Variants in RIMS2 observed in about 807,000 individuals in gnomAD.
RIMS2 encodes regulating synaptic membrane exocytosis protein 2.
RIMS2 carries 59 observed loss-of-function variants against 174.4 expected under a neutral mutation model. The ratio of observed to expected loss-of-function variants is 0.34; its 90% CI spans 0.27 to 0.42. RIMS2 has a LOEUF of 0.42. Ranked by LOEUF, RIMS2 falls within the 10% of genes least tolerant of loss-of-function variation. RIMS2 has a pLI of 1.00. For synonymous variants in RIMS2, 606 were observed against 572.5 expected, an observed-to-expected ratio of 1.06 and a Z score of -0.84; for missense variants, 1,620 against 1,666.3, an observed-to-expected ratio of 0.97 and a Z score of 0.48.
intron 3 of RIMS2, among the ~76,000 whole-genome samples, chr8:103,784,276 G>T (rs2098419904): frequency 6.7e-6 from 1 of 149,524 alleles, no homozygotes; most frequent in South Asian, 2.1e-4. Flanking sequence ...AGTTTAATTA[G>T]ATCCCATTTG....
chr8:103,929,604 A>G (rs1383861650), intron 11 of RIMS2, among the ~76,000 whole-genome samples: 1 of 151,856 alleles, frequency 6.6e-6, no homozygotes, highest in Non-Finnish European at 1.5e-5. Flanking sequence ...AAACTCTTTA[A>G]AACTGGTGAA....
At chr8:103,700,643 G>T (rs1433779986) in intron 2 of RIMS2, among the ~76,000 whole-genome samples, 1 of 150,650 alleles carries the variant, frequency 6.6e-6, no homozygotes, top group Non-Finnish European at 1.5e-5. Flanking sequence ...TATTGATATG[G>T]TTTCATTTGA....
At chr8:103,807,364 A>G (rs1374571638) in intron 3 of RIMS2, among the ~76,000 whole-genome samples, 1 of 152,168 alleles carries the variant, frequency 6.6e-6, no homozygotes, top group Non-Finnish European at 1.5e-5. Flanking sequence ...GTTTAGTTTG[A>G]TAACATGCAA....
intron 1 of RIMS2, among the ~76,000 whole-genome samples, chr8:103,528,545 G>A (rs1835252103): frequency 6.6e-6 from 1 of 152,090 alleles, no homozygotes; most frequent in African/African-American, 2.4e-5. Context: ...TAAGTCTTTA[G>A]TCCATCTTGA....
chr8:103,659,371 C>A (rs2096569133), intron 1 of RIMS2, among the ~76,000 whole-genome samples: 1 of 152,156 alleles, frequency 6.6e-6, no homozygotes, highest in African/African-American at 2.4e-5. Flanking sequence ...TGTGTACTAC[C>A]TTCTCAAAGC....
intron 21 of RIMS2, among the ~76,000 whole-genome samples, chr8:104,249,042 C>G (rs1025723080): frequency 2.0e-5 from 3 of 151,772 alleles, no homozygotes; most frequent in Admixed American, 6.6e-5. Context: ...AATCCTCCCA[C>G]CTCATCTTCC....
chr8:104,036,013 T>C (rs1479326246), intron 19 of RIMS2, among the ~76,000 whole-genome samples: 1 of 152,154 alleles, frequency 6.6e-6, no homozygotes, highest in Non-Finnish European at 1.5e-5. Flanking sequence ...GTTGCTCATT[T>C]AAAATTAGTT....
At chr8:103,875,190 C>G (rs961520151) in intron 3 of RIMS2, among the ~76,000 whole-genome samples, 7 of 151,774 alleles carry the variant, frequency 4.6e-5, no homozygotes, top group African/African-American at 1.7e-4. Flanking sequence ...AGTAGTGAAA[C>G]CTGAGCTTTT....
intron 16 of RIMS2, among the ~76,000 whole-genome samples, chr8:103,986,602 T>A (rs1037167623): frequency 2.0e-5 from 3 of 152,166 alleles, no homozygotes; most frequent in Non-Finnish European, 2.9e-5. Flanking sequence ...GTTAAATTTC[T>A]GAAATTGATA....
chr8:103,889,376 C>G (rs115129372), intron 4 of RIMS2, among the ~76,000 whole-genome samples: 331 of 151,816 alleles, frequency 2.2e-3, no homozygotes, highest in African/African-American at 7.7e-3. Context: ...AGATCTCTTT[C>G]TCCTTGTCTT....
intron 17 of RIMS2, among the ~76,000 whole-genome samples, chr8:104,012,902 G>C (rs1465986199): frequency 6.6e-6 from 1 of 152,114 alleles, no homozygotes; most frequent in African/African-American, 2.4e-5. Context: ...GATTTTTCTT[G>C]TGGATCAGGT....
chr8:104,052,713 G>T (rs921770599), intron 19 of RIMS2, among the ~76,000 whole-genome samples: 1 of 152,082 alleles, frequency 6.6e-6, no homozygotes, highest in African/African-American at 2.4e-5. Flanking sequence ...TAGGTGCTAA[G>T]GGGGCCCACT....
intron 3 of RIMS2, among the ~76,000 whole-genome samples, chr8:103,782,661 A>G (rs536980565): frequency 2.8e-4 from 42 of 152,256 alleles, no homozygotes; most frequent in Admixed American, 1.9e-3. Context: ...AGCCAACACA[A>G]TATTATACAT....
At chr8:103,845,150 C>A (rs1186873819) in intron 3 of RIMS2, among the ~76,000 whole-genome samples, 1 of 152,042 alleles carries the variant, frequency 6.6e-6, no homozygotes, top group Non-Finnish European at 1.5e-5. Context: ...TAATTTTAAG[C>A]AAGTTTTGCA....
At chr8:103,738,826 A>G (rs78545998) in intron 2 of RIMS2, among the ~76,000 whole-genome samples, 33,709 of 150,070 alleles carry the variant, frequency 0.22, 4,107 homozygotes, top group Non-Finnish European at 0.25. Context: ...AAACCACAAC[A>G]AGATACCATC....
chr8:104,174,395 C>G (rs2098857939), intron 19 of RIMS2, among the ~76,000 whole-genome samples: 1 of 136,516 alleles, frequency 7.3e-6, no homozygotes, highest in Non-Finnish European at 1.5e-5. Flanking sequence ...AGATTCTGGG[C>G]TTAAAAGGCA....
rs745573912 is a variant in RIMS2, at chr8:103,885,291, T to A, written c.699-7T>A. 3.2e-6 allele frequency: 5 copies of A among 1,553,486 alleles called. No individual in the cohort carries two copies. Among genetic ancestry groups the A allele is most frequent in the Non-Finnish European group, 4.4e-6 (5 of 1,148,802 alleles). ...CTTCTCATTGTTCTTTTCCTTTGGTTACTTAGGAAAAGAAGCCCATCTGTG... is the reference window on the plus strand; with the variant it reads ...CTTCTCATTGTTCTTTTCCTTTGGTAACTTAGGAAAAGAAGCCCATCTGTG... On this transcript the variant is annotated splice_region_variant and splice_polypyrimidine_tract_variant and intron_variant, in intron 3 of 23. Coordinates refer to ENST00000504942, the Ensembl canonical transcript of RIMS2.
intron 1 of RIMS2, among the ~76,000 whole-genome samples, chr8:103,663,518 A>G (rs1471572253): frequency 6.6e-6 from 1 of 152,188 alleles, no homozygotes; most frequent in Non-Finnish European, 1.5e-5. Context: ...ATCATGAGTG[A>G]TCTCCCATTA....
intron 16 of RIMS2, among the ~76,000 whole-genome samples, chr8:103,979,989 A>G (rs2093756741): frequency 6.6e-6 from 1 of 152,120 alleles, no homozygotes; most frequent in Non-Finnish European, 1.5e-5. Flanking sequence ...CTGGAGTCCT[A>G]GGTAAACTGG....
Sources: gnomAD v4.1 joint callset for allele counts (sites outside exome capture counted in the v4.1 genomes callset) on GRCh38, gnomAD v4.1.1 for gene constraint, MANE v1.5 for transcripts, NCBI Gene and HGNC (gene_info 2026-07-23, HGNC 2026-07-21) for gene names.